C5: variants seen among roughly 807,000 people sequenced by gnomAD.
C5 encodes C3 and PZP-like alpha-2-macroglobulin domain-containing protein 4.
C5 carries 140 observed loss-of-function variants against 218.8 expected under a neutral mutation model. That is an observed-to-expected ratio of 0.64 (90% CI 0.56 to 0.74). The LOEUF is 0.74. Among genes scored for constraint, C5 ranks in the 30% least tolerant of loss-of-function variants. The probability of loss-of-function intolerance (pLI) is 0.00; values close to 1 mark genes in which losing one functional copy is unlikely to be tolerated. For synonymous variants in C5, 614 were observed against 682.3 expected (o/e 0.90, Z 1.56); for missense variants, 1,700 against 1,969.6 (o/e 0.86, Z 2.59).
intron 16 of C5, 39 bp downstream of exon 16, chr9:121,015,160 G>A: frequency 7.6e-7 from 1 of 1,307,266 alleles, no homozygotes; most frequent in Non-Finnish European, 1.1e-6. Context: ...TGAATGATAT[G>A]ACCATAACCT....
intron 21 of C5, 49 bp from the exon 22 acceptor site, chr9:120,996,349 C>T (rs767408318): frequency 4.2e-5 from 63 of 1,491,688 alleles, no homozygotes; most frequent in Non-Finnish European, 5.6e-5. Context: ...GTTTATATAA[C>T]CTGAATTCCC....
At chr9:120,970,342 C>T in intron 31 of C5, 91 bp from the exon 32 acceptor site, 1 of 808,370 alleles carries the variant, frequency 1.2e-6, no homozygotes, top group Non-Finnish European at 2.1e-6. Context: ...AGATGGGATG[C>T]TCGAAGGATC....
At chr9:120,964,351 C>A (rs1179388369) in intron 33 of C5, among the ~76,000 whole-genome samples, 1 of 152,108 alleles carries the variant, frequency 6.6e-6, no homozygotes, top group Non-Finnish European at 1.5e-5. Flanking sequence ...CTTGGTGGGA[C>A]ACACCTGTAA....
At chr9:121,004,243 T>C (rs2047197217) in intron 20 of C5, among the ~76,000 whole-genome samples, 1 of 152,092 alleles carries the variant, frequency 6.6e-6, no homozygotes, top group Non-Finnish European at 1.5e-5. Context: ...ATCAATAGTA[T>C]ACTAATAATA....
Position 120,980,167 on chromosome 9 carries a change from C to A in C5, c.3574G>T (p.Ala1192Ser). ...AQSTFTLAIS[A>S]YALSLGDKTH... is the part of the protein sequence containing the mutation. Reference sequence around the variant, plus strand: ...TTATCTCCCAGGGAAAGAGCATACGCAGAAATGGCCAATGTAAAGGTGCTC... The same window carrying A: ...TTATCTCCCAGGGAAAGAGCATACGAAGAAATGGCCAATGTAAAGGTGCTC... Residue 1192 changes from alanine (A) to serine (S), a missense_variant, in exon 28 of 41, where the codon GCG (alanine) becomes TCG (serine). By Grantham distance (99) the Ala-to-Ser change is moderately conservative (BLOSUM62 1). Transcript: ENST00000223642. 6.2e-7 allele frequency: 1 copy of A among 1,614,010 alleles called. No individual in the cohort carries two copies. The highest frequency in any genetic ancestry group is 1.3e-5 in the African/African-American group (1 of 75,014).
chr9:121,056,361 A>G, the C5 span, among the ~76,000 whole-genome samples: 1 of 152,230 alleles, frequency 6.6e-6, no homozygotes, highest in Non-Finnish European at 1.5e-5. Flanking sequence ...CTTCAAGACA[A>G]CAGTGAAGAA....
chr9:121,007,547 G>C (rs2047225673), intron 18 of C5, among the ~76,000 whole-genome samples: 1 of 152,164 alleles, frequency 6.6e-6, no homozygotes, highest in African/African-American at 2.4e-5. Context: ...CATTATAAGA[G>C]TTCAGAGGCA....
rs2047212765 is a variant in C5 at position 121,005,991 on chromosome 9, T to C, written c.2490A>G (p.Pro830=). The C allele has an allele frequency of 6.2e-7, 1 of 1,613,604 alleles. No individual in the cohort carries two copies. Among genetic ancestry groups the C allele is most frequent in the Non-Finnish European group, 8.5e-7 (1 of 1,179,634 alleles). Residue 830 remains proline, a synonymous_variant, in exon 20 of 41, where the codon CCA becomes CCG. Transcript: ENST00000223642. ...FKDVFLEMNI[P]YSVVRGEQIQ... ...TCTGTTCTCCTCGTACAACAGAATA[T>C]GGTATATTCATTTCCAGGAAGACAT...
At chr9:121,027,032 C>G in intron 8 of C5, 128 bp downstream of exon 8, 1 of 693,422 alleles carries the variant, frequency 1.4e-6, no homozygotes, top group Non-Finnish European at 2.6e-6. Context: ...CAAAGGGAAG[C>G]CAATGGAGGA....
Position 121,032,062 on chromosome 9 carries a change from C to G in C5, c.667+51G>C, listed in dbSNP as rs1564160406. On this transcript the variant is annotated intron_variant, in intron 6 of 40. Transcript: ENST00000223642. ...TGGGCAACAGAGCGAGACTCCATCT[C>G]AAAAACAAAAAACAAAAAGCAAAGA... The G allele has an allele frequency of 9.1e-6, 11 of 1,214,324 alleles. 1 individual carries two copies. The South Asian group carries it at 1.1e-4, about 12-fold the overall frequency. 75.2% of individuals were successfully genotyped at this position (1,214,324 alleles called of 1,614,324 possible). A position where few individuals can be genotyped will look rare whatever the true frequency, so the allele number is the denominator to read the frequency against.
At chr9:121,067,552 AG>A in the C5 span, among the ~76,000 whole-genome samples, 1 of 150,184 alleles carries the variant, frequency 6.7e-6, no homozygotes, top group Admixed American at 6.7e-5. Flanking sequence ...TTGGTGACAG[AG>A]TGAGGCTCCA....
At chr9:121,048,380 T>C (rs1174963032) in intron 1 of C5, among the ~76,000 whole-genome samples, 1 of 152,214 alleles carries the variant, frequency 6.6e-6, no homozygotes, top group Admixed American at 6.5e-5. Flanking sequence ...AGATCAGTGG[T>C]GGCATTAGAT....
chr9:121,034,808 AT>A lies in C5; in HGVS notation c.578del (p.Asn193IlefsTer58). 6.5e-7 allele frequency: 1 copy of A among 1,531,290 alleles called. No homozygotes were observed. Among genetic ancestry groups the A allele is most frequent in the Non-Finnish European group, 9.0e-7 (1 of 1,105,800 alleles). The allele number at this position is 1,531,290 out of a possible 1,614,324, so 94.9% of individuals were successfully genotyped here. On this transcript the variant is annotated frameshift_variant, in exon 5 of 41. Transcript: ENST00000223642. LOFTEE classifies it high-confidence loss of function. The part of the protein sequence containing the change: ...ISFPDFKIPS[N>X]PRYGMWTIKA... ...TAACAACTATTTTTACATACCTAGGATTAGACGGAATCTTGAAGTCAGGAAA... is the reference window on the plus strand; with the variant it reads ...TAACAACTATTTTTACATACCTAGGATAGACGGAATCTTGAAGTCAGGAAA...
intron 4 of C5, 120 bp from the exon 5 acceptor site, chr9:121,035,014 T>C: frequency 1.6e-6 from 1 of 606,414 alleles, no homozygotes; most frequent in Non-Finnish European, 2.9e-6. Context: ...CAAATACCCA[T>C]GTCTTCAAAT....
chr9:121,014,964 G>A (rs1266890118), intron 16 of C5, among the ~76,000 whole-genome samples: 1 of 152,000 alleles, frequency 6.6e-6, no homozygotes, highest in Non-Finnish European at 1.5e-5. Context: ...CTAATATTTT[G>A]GATTTTAGAG....
Position 121,016,351 on chromosome 9 carries a change from G to C in C5, c.1899C>G (p.Gly633=), listed in dbSNP as rs1183184954. ...VFQFLEKSDL[G]CGAGGGLNNA... Reference sequence around the variant, plus strand: ...TGTTGAGGCCACCACCTGCCCCACAGCCCAGATCACTCTTCTCTAAGAATT... The same window carrying C: ...TGTTGAGGCCACCACCTGCCCCACACCCCAGATCACTCTTCTCTAAGAATT... Residue 633 remains glycine (G), a synonymous_variant, in exon 15 of 41, where the codon GGC becomes GGG. Coordinates refer to ENST00000223642, the MANE Select transcript of C5 (RefSeq NM_001735.3). 1 of 1,614,058 alleles carries C rather than the reference G, an allele frequency of 6.2e-7. No individual in the cohort carries two copies. The highest frequency in any genetic ancestry group is 1.1e-5 in the South Asian group (1 of 91,082).
At position 120,971,874 on chromosome 9, in the gene C5, G is replaced by A. The variant is rs1025550146; in HGVS notation, c.4080+56C>T. On this transcript the variant is annotated intron_variant, in intron 31 of 40. Transcript: ENST00000223642. ...TTGTGGCAAAGCTCCTAACTTTTAT[G>A]TTACCTAGTACAAATGGACACATAA... 79 of 1,350,700 alleles carry A rather than the reference G, an allele frequency of 5.8e-5. 1 individual carries two copies. The highest frequency in any genetic ancestry group is 8.5e-6 in the Non-Finnish European group (8 of 941,708). The allele number at this position is 1,350,700 out of a possible 1,614,324, so 83.7% of individuals were successfully genotyped here.
chr9:121,030,126 C>T (rs1435228611), intron 7 of C5, among the ~76,000 whole-genome samples: 1 of 151,940 alleles, frequency 6.6e-6, no homozygotes, highest in Non-Finnish European at 1.5e-5. Context: ...TCTAAGTTAC[C>T]CTAGTTTCTA....
intron 2 of C5, among the ~76,000 whole-genome samples, chr9:121,045,801 T>C (rs746212187): frequency 6.6e-6 from 1 of 152,186 alleles, no homozygotes; most frequent in Non-Finnish European, 1.5e-5. Flanking sequence ...TTCAATCGAA[T>C]GTTCAATAAT....
Sources: allele counts gnomAD v4.1 joint callset (sites outside exome capture counted in the v4.1 genomes callset), GRCh38; gene constraint gnomAD v4.1.1; transcripts MANE v1.5; gene names NCBI Gene and HGNC (gene_info 2026-07-23, HGNC 2026-07-21).